Variants in TNRC18 observed in about 807,000 individuals in gnomAD.
The protein encoded by TNRC18 is trinucleotide repeat-containing gene 18 protein.
A neutral mutation model predicts 226.7 loss-of-function variants in TNRC18; 69 were observed. The ratio of observed to expected loss-of-function variants is 0.30; its 90% CI spans 0.25 to 0.37. The LOEUF is 0.37. Among genes scored for constraint, TNRC18 ranks in the 10% least tolerant of loss-of-function variants. The probability of loss-of-function intolerance (pLI) is 1.00; values close to 1 mark genes in which losing one functional copy is unlikely to be tolerated. For missense variants in TNRC18, 4,754 were observed against 4,256.6 expected (o/e 1.12, Z -3.25); for synonymous variants, 2,449 against 1,927.6 (o/e 1.27, Z -7.09).
rs1385937762 is a variant in TNRC18, at chr7:5,421,317, G to A, written c.-71C>T. On this transcript the variant is annotated 5_prime_UTR_variant, in exon 2 of 30. It introduces an in-frame stop codon into an upstream open reading frame of the 5' UTR. Coordinates refer to ENST00000430969, the MANE Select transcript of TNRC18 (RefSeq NM_001080495.3). Reference sequence around the variant, plus strand: ...CTAGCTCAGTGGGACCTAAAAGTTCGGCCTCGGCGTAGTCCCAGAGTCCTC... The same window carrying A: ...CTAGCTCAGTGGGACCTAAAAGTTCAGCCTCGGCGTAGTCCCAGAGTCCTC... 8.2e-7 allele frequency: 1 copy of A among 1,216,188 alleles called. No individual in the cohort carries two copies. Among genetic ancestry groups the A allele is most frequent in the Non-Finnish European group, 1.0e-6 (1 of 972,786 alleles). The allele number at this position is 1,216,188 out of a possible 1,614,324, so 75.3% of individuals were successfully genotyped here.
Position 5,324,490 on chromosome 7 carries a change from G to A in TNRC18, c.6301-135C>T. The A allele has an allele frequency of 1.6e-6, 2 of 1,272,246 alleles. No individual in the cohort carries two copies. Among genetic ancestry groups the A allele is most frequent in the Admixed American group, 4.6e-5 (2 of 43,850 alleles). The allele number at this position is 1,272,246 out of a possible 1,614,324, so 78.8% of individuals were successfully genotyped here. ...TGTCATGTGCATGGCAGGGATCCCA[G>A]TTAGGGGCACCCCAGAGGCCAGGGG... On this transcript the variant is annotated intron_variant, in intron 20 of 29. Coordinates refer to ENST00000430969, the MANE Select transcript of TNRC18 (RefSeq NM_001080495.3). The surrounding 1 kb of genome is among the most constrained non-coding windows in gnomAD (Gnocchi z 4.8).
chr7:5,318,028 C>T (rs534566233), intron 24 of TNRC18, among the ~76,000 whole-genome samples: 42 of 152,108 alleles, frequency 2.8e-4, no homozygotes, highest in Non-Finnish European at 4.3e-4. Context: ...CCCGCCACCA[C>T]GCCCAGCTTA....
At chr7:5,374,524 T>A in intron 9 of TNRC18, 40 bp from the exon 10 acceptor site, 2 of 1,517,628 alleles carry the variant, frequency 1.3e-6, no homozygotes, top group South Asian at 2.4e-5. Flanking sequence ...ACGGCACGAG[T>A]TTCCCCCTCC....
At chr7:5,378,145 T>C in intron 5 of TNRC18, 121 bp from the exon 6 acceptor site, 1 of 697,942 alleles carries the variant, frequency 1.4e-6, no homozygotes, top group Non-Finnish European at 2.4e-6. Flanking sequence ...TGCACAGCCA[T>C]CCGTGTAGTG....
At chr7:5,364,036 G>C (rs993111018) in intron 11 of TNRC18, among the ~76,000 whole-genome samples, 1 of 152,196 alleles carries the variant, frequency 6.6e-6, no homozygotes, top group African/African-American at 2.4e-5. Flanking sequence ...AGTGGCTCAC[G>C]CCTGTAATCC....
intron 21 of TNRC18, among the ~76,000 whole-genome samples, chr7:5,322,171 G>A (rs1788440308): frequency 6.6e-6 from 1 of 151,918 alleles, no homozygotes; most frequent in African/African-American, 2.4e-5. Context: ...CCAGCTACTT[G>A]GGAGGCTGAG....
chr7:5,352,240 C>T, intron 16 of TNRC18, 146 bp from the exon 17 acceptor site: 2 of 839,106 alleles, frequency 2.4e-6, no homozygotes, highest in Non-Finnish European at 3.6e-6. Flanking sequence ...GTACAAAGGC[C>T]TTGCCCCATG....
chr7:5,374,515 C>A (rs777938229), intron 9 of TNRC18, 31 bp from the exon 10 acceptor site: 16 of 1,529,562 alleles, frequency 1.0e-5, no homozygotes, highest in South Asian at 8.4e-5. Context: ...AGGGTCAGCA[C>A]GGCACGAGTT....
rs761966597 is a variant in TNRC18 at position 5,332,881 on chromosome 7, A to T, written c.5888T>A (p.Leu1963Gln). Reference sequence around the variant, plus strand: ...GGCCTTGCGCCCCTTCTCCACCGCCAGCTTGGCCTTGTCTGGGCTGCTGGG... The same window carrying T: ...GGCCTTGCGCCCCTTCTCCACCGCCTGCTTGGCCTTGTCTGGGCTGCTGGG... ...PDPSSPDKAK[L>Q]AVEKGRKARK... Residue 1963 changes from leucine to glutamine, a missense_variant, in exon 19 of 30, where the codon CTG (leucine) becomes CAG (glutamine). Physicochemically the swap from Leu to Gln is moderately radical, Grantham distance 113 (BLOSUM62 -2). Transcript: ENST00000430969. 14 of 1,521,010 alleles carry T rather than the reference A, an allele frequency of 9.2e-6. No homozygotes were observed. The South Asian group carries it at 1.7e-4, about 19-fold the overall frequency. The allele number at this position is 1,521,010 out of a possible 1,614,324, so 94.2% of individuals were successfully genotyped here.
Position 5,404,054 on chromosome 7 carries a change from A to G in TNRC18, c.188-9459T>C, listed in dbSNP as rs143551528. Among the ~76,000 whole-genome samples the G allele has an allele frequency of 7.2e-3, 1,093 of 152,348 alleles. 9 individuals are homozygous for G. Among genetic ancestry groups the G allele is most frequent in the South Asian group, 0.021 (102 of 4,830 alleles). Reference sequence around the variant, plus strand: ...AAGAATGGGTTAACACTCTGGCTATATAAAGATTCTCAGAATGCCATAAGA... The same window carrying G: ...AAGAATGGGTTAACACTCTGGCTATGTAAAGATTCTCAGAATGCCATAAGA... On this transcript the variant is annotated intron_variant, in intron 2 of 29. Coordinates refer to ENST00000430969, the MANE Select transcript of TNRC18 (RefSeq NM_001080495.3).
At chr7:5,420,126 C>T (rs1018344518) in intron 2 of TNRC18, 28 of 314,938 alleles carry the variant, frequency 8.9e-5, no homozygotes, top group African/African-American at 6.0e-4. Flanking sequence ...CTGGCTGCAG[C>T]GGCCGCGGAC....
intron 5 of TNRC18, among the ~76,000 whole-genome samples, chr7:5,381,810 A>G (rs768337727): frequency 5.9e-5 from 9 of 152,008 alleles, no homozygotes; most frequent in Non-Finnish European, 1.2e-4. Flanking sequence ...TACTAAAAAT[A>G]CAAAAATTAG....
chr7:5,333,077 C>T (rs777056894), intron 18 of TNRC18, 28 bp from the exon 19 acceptor site: 9 of 1,549,436 alleles, frequency 5.8e-6, no homozygotes, highest in Non-Finnish European at 7.8e-6. Flanking sequence ...GCGTGCTGGT[C>T]ACAGCCTCGT....
chr7:5,398,864 T>A (rs1462578521), intron 2 of TNRC18, among the ~76,000 whole-genome samples: 2 of 151,842 alleles, frequency 1.3e-5, no homozygotes, highest in East Asian at 3.9e-4. Context: ...CCTCGTGCGA[T>A]CCTCCTGCCT....
In TNRC18 at chr7:5,394,013, C is replaced by T. The variant is rs1243063680; in HGVS notation, c.343+427G>A. 6.6e-6 allele frequency among the ~76,000 whole-genome samples: 1 copy of T among 152,108 alleles called. No individual in the cohort carries two copies. The highest frequency in any genetic ancestry group is 2.4e-5 in the African/African-American group (1 of 41,410). On this transcript the variant is annotated intron_variant, in intron 3 of 29. Coordinates refer to ENST00000430969, the MANE Select transcript of TNRC18 (RefSeq NM_001080495.3). The surrounding 1 kb of genome is among the most constrained non-coding windows in gnomAD (Gnocchi z 4.5). ...GTGAGCCACCATGCCCGGCCTGCTC[C>T]TGTAATTATTAATGAGCCTACTGTG...
intron 18 of TNRC18, among the ~76,000 whole-genome samples, chr7:5,341,762 CAAAAAA>C (rs34897154): frequency 1.1e-5 from 1 of 92,236 alleles, no homozygotes; most frequent in Non-Finnish European, 2.2e-5. Context: ...GACTCCGTCT[CAAAAAA>C]AAAAAAAAAA....
intron 2 of TNRC18, among the ~76,000 whole-genome samples, chr7:5,406,234 G>A (rs949341757): frequency 7.2e-5 from 11 of 152,170 alleles, no homozygotes; most frequent in South Asian, 2.1e-4. Context: ...GGAGGCCGAC[G>A]GGCAAATCAT....
At chr7:5,361,809 T>C (rs1793079879) in intron 13 of TNRC18, 87 bp from the exon 14 acceptor site, 1 of 1,523,228 alleles carries the variant, frequency 6.6e-7, no homozygotes, top group East Asian at 2.5e-5. Flanking sequence ...CGGCGCCGGG[T>C]CCACGCACAC....
rs1436785529 is a variant in TNRC18 at position 5,345,630 on chromosome 7, G to A, written c.5651C>T (p.Ser1884Phe). Residue 1884 changes from serine to phenylalanine, a missense_variant, in exon 18 of 30, where the codon TCC becomes TTC. By Grantham distance (155) the Ser-to-Phe change is radical. Transcript: ENST00000430969. ...SALPSPTVGP[S>F]LSVVQLEAKQ... ...GGCCTCCAGCTGTACCACAGACAGGGATGGACCCACCGTGGGGCTGGGGAG... is the reference window on the plus strand; with the variant it reads ...GGCCTCCAGCTGTACCACAGACAGGAATGGACCCACCGTGGGGCTGGGGAG... 1.9e-6 allele frequency: 3 copies of A among 1,558,684 alleles called. No individual in the cohort carries two copies. Among genetic ancestry groups the A allele is most frequent in the Non-Finnish European group, 2.6e-6 (3 of 1,151,768 alleles).
Sources: allele counts gnomAD v4.1 joint callset (sites outside exome capture counted in the v4.1 genomes callset), GRCh38; gene constraint gnomAD v4.1.1; non-coding constraint Gnocchi (gnomAD v3.1); transcripts MANE v1.5; gene names NCBI Gene and HGNC (gene_info 2026-07-23, HGNC 2026-07-21).